The following TP63 variants were observed in gnomAD, a reference collection of about 807,000 sequenced individuals.
TP63 encodes tumor protein p63.
A neutral mutation model predicts 82.8 loss-of-function variants in TP63; 17 were observed. The ratio of observed to expected loss-of-function variants is 0.21; its 90% CI spans 0.14 to 0.31. TP63 has a LOEUF of 0.31. Among genes scored for constraint, TP63 ranks in the 10% least tolerant of loss-of-function variants. The pLI is 1.00. For synonymous variants in TP63, 330 were observed against 321.7 expected, an observed-to-expected ratio of 1.03 and a Z score of -0.28; for missense variants, 648 against 895.3, an observed-to-expected ratio of 0.72 and a Z score of 3.52.
chr3:189,643,815 G>A (rs577833186), intron 1 of TP63, among the ~76,000 whole-genome samples: 3 of 152,296 alleles, frequency 2.0e-5, no homozygotes, highest in Admixed American at 1.3e-4. Flanking sequence ...GACAGGAGAA[G>A]AAACTATCAT....
intron 4 of TP63, among the ~76,000 whole-genome samples, chr3:189,829,072 T>A (rs1478042177): frequency 1.3e-5 from 2 of 152,186 alleles, no homozygotes; most frequent in Middle Eastern, 3.2e-3. Flanking sequence ...AGACCATAAA[T>A]TTATTACAGA....
chr3:189,855,792 G>C (rs1716217481), intron 4 of TP63, among the ~76,000 whole-genome samples: 1 of 152,024 alleles, frequency 6.6e-6, no homozygotes, highest in African/African-American at 2.4e-5. Context: ...GAGTAAGCAA[G>C]AAATCATTTT....
chr3:189,602,030 CT>C, the TP63 span, among the ~76,000 whole-genome samples: 1 of 152,082 alleles, frequency 6.6e-6, no homozygotes, highest in Non-Finnish European at 1.5e-5. Context: ...ATAAATATCT[CT>C]AGGTGTGTGT....
intron 10 of TP63, among the ~76,000 whole-genome samples, chr3:189,876,346 T>A (rs925501536): frequency 2.0e-5 from 3 of 152,200 alleles, no homozygotes; most frequent in African/African-American, 7.2e-5. Flanking sequence ...CCGGCTCACA[T>A]TGCTCTAAAG....
chr3:189,874,303 C>T (rs567987327), intron 10 of TP63, among the ~76,000 whole-genome samples: 1 of 152,312 alleles, frequency 6.6e-6, no homozygotes, highest in East Asian at 1.9e-4. Flanking sequence ...AACTCCTGAA[C>T]TCAGGTGATC....
chr3:189,875,585 AATACATACATATATATATATAT>A (rs1718954680), intron 10 of TP63, among the ~76,000 whole-genome samples: 2 of 29,774 alleles, frequency 6.7e-5, no homozygotes, highest in Non-Finnish European at 1.5e-4. Context: ...AAGAAAAAAA[AATACATACATATATATATATAT>A]ATATATATAT....
intron 9 of TP63, 40 bp downstream of exon 9, chr3:189,869,446 C>T (rs2108810066): frequency 1.3e-6 from 2 of 1,557,188 alleles, no homozygotes; most frequent in Non-Finnish European, 1.8e-6. Flanking sequence ...TTCATTTTAA[C>T]CTTCTTTGAA....
chr3:189,689,749 G>A (rs560358144), intron 1 of TP63, among the ~76,000 whole-genome samples: 35 of 152,230 alleles, frequency 2.3e-4, no homozygotes, highest in African/African-American at 8.4e-4. Context: ...ATTGTCTTAA[G>A]GCCATACATA....
chr3:189,721,035 A>C (rs1377546625), intron 1 of TP63, among the ~76,000 whole-genome samples: 5 of 152,324 alleles, frequency 3.3e-5, no homozygotes, highest in Admixed American at 3.3e-4. Context: ...TTGGCTTCCG[A>C]TGAAGTTGCT....
intron 3 of TP63, among the ~76,000 whole-genome samples, chr3:189,787,105 A>C (rs1724663912): frequency 6.6e-6 from 1 of 151,988 alleles, no homozygotes; most frequent in Non-Finnish European, 1.5e-5. Flanking sequence ...TTTCATTGTG[A>C]GGATACCTTA....
At chr3:189,835,976 T>G (rs1713097736) in intron 4 of TP63, among the ~76,000 whole-genome samples, 1 of 149,232 alleles carries the variant, frequency 6.7e-6, no homozygotes, top group Non-Finnish European at 1.5e-5. Context: ...TAATGTAAAG[T>G]GGGGAAGGCA....
At chr3:189,808,828 A>T (rs1048267314) in intron 4 of TP63, among the ~76,000 whole-genome samples, 1 of 152,210 alleles carries the variant, frequency 6.6e-6, no homozygotes, top group Non-Finnish European at 1.5e-5. Flanking sequence ...CTGTGCCAAC[A>T]AGAAGTATCA....
At chr3:189,816,783 G>A (rs1478681496) in intron 4 of TP63, among the ~76,000 whole-genome samples, 6 of 152,120 alleles carry the variant, frequency 3.9e-5, no homozygotes, top group African/African-American at 7.2e-5. Flanking sequence ...GCACACAGAG[G>A]CGTAAAGGTA....
chr3:189,789,898 T>G (rs1724959228), intron 3 of TP63: 4 of 1,480,442 alleles, frequency 2.7e-6, no homozygotes, highest in Non-Finnish European at 2.7e-6. Context: ...TTTTTATTTT[T>G]GTAAAAAAAC....
chr3:189,894,852 A>AGTCTAAGAC lies in TP63; in HGVS notation c.*350_*351insGTCTAAGAC. 1 of 249,876 alleles carries AGTCTAAGAC rather than the reference A, an allele frequency of 4.0e-6. No homozygotes were observed. Among genetic ancestry groups the AGTCTAAGAC allele is most frequent in the East Asian group, 6.0e-5 (1 of 16,690 alleles). 15.5% of individuals were successfully genotyped at this position (249,876 alleles called of 1,614,324 possible). ...AGACTATATATATAAATGTATAAAT[A>AGTCTAAGAC]TACAGTATAGATTTTTGGGTGGGGG... On this transcript the variant is annotated 3_prime_UTR_variant, in exon 14 of 14. Transcript: ENST00000264731.
At chr3:189,602,224 T>C in the TP63 span, among the ~76,000 whole-genome samples, 5 of 152,166 alleles carry the variant, frequency 3.3e-5, no homozygotes, top group Non-Finnish European at 5.9e-5. Flanking sequence ...AAAAGGCTAA[T>C]TCAAAAATAA....
intron 4 of TP63, among the ~76,000 whole-genome samples, chr3:189,831,258 T>G (rs1712288449): frequency 6.6e-6 from 1 of 152,184 alleles, no homozygotes; most frequent in Non-Finnish European, 1.5e-5. Context: ...CCTGCATTCT[T>G]TCTTAAATAT....
chr3:189,846,934 G>T (rs1218260195), intron 4 of TP63, among the ~76,000 whole-genome samples: 1 of 151,782 alleles, frequency 6.6e-6, no homozygotes, highest in South Asian at 2.1e-4. Context: ...ACCCACCTCG[G>T]CCTCCCAAAA....
At chr3:189,608,318 T>G in the TP63 span, among the ~76,000 whole-genome samples, 1 of 152,146 alleles carries the variant, frequency 6.6e-6, no homozygotes. Context: ...GTGTAAAAAC[T>G]TCAGTTCATT....
Sources: allele counts gnomAD v4.1 joint callset (sites outside exome capture counted in the v4.1 genomes callset), GRCh38; gene constraint gnomAD v4.1.1; transcripts MANE v1.5; gene names NCBI Gene and HGNC (gene_info 2026-07-23, HGNC 2026-07-21).